CEACAM3: variants seen among roughly 807,000 people sequenced by gnomAD.
CEACAM3 encodes CEA cell adhesion molecule 3.
A neutral mutation model predicts 30.1 loss-of-function variants in CEACAM3; 32 were observed. That is an observed-to-expected ratio of 1.06 (90% CI 0.80 to 1.43). CEACAM3 has a LOEUF of 1.43. Among genes scored for constraint, CEACAM3 ranks in the 40% most tolerant of loss-of-function variants. CEACAM3 has a pLI of 0.00. For missense variants in CEACAM3, 290 were observed against 316.3 expected, an observed-to-expected ratio of 0.92 and a Z score of 0.63; for synonymous variants, 134 against 127.2, an observed-to-expected ratio of 1.05 and a Z score of -0.36.
Position 41,797,634 on chromosome 19 carries a change from C to G in CEACAM3, c.110C>G (p.Thr37Ser). The change falls in exon 2 of 7, where the codon ACT (threonine) becomes AGT (serine). Residue 37 changes from threonine to serine, a missense_variant. Thr to Ser is a moderately conservative substitution (Grantham distance 58, BLOSUM62 1). Transcript: ENST00000357396. ...AACCCGCCCACCACTGCCAAGCTCA[C>G]TATTGAATCCATGCCGCTCAGTGTC... is the stretch of plus-strand genomic sequence containing the variant. ...FWNPPTTAKL[T>S]IESMPLSVAE... 1 of 1,614,166 alleles carries G rather than the reference C, an allele frequency of 6.2e-7. No homozygotes were observed. The highest frequency in any genetic ancestry group is 2.2e-5 in the East Asian group (1 of 44,876).
chr19:41,807,081 A>G, intron 2 of CEACAM3: 7 of 1,609,120 alleles, frequency 4.4e-6, no homozygotes, highest in Non-Finnish European at 5.9e-6. Context: ...GGTGCCACAC[A>G]GGGCAATCTT....
chr19:41,806,792 T>C (rs1248888607), intron 2 of CEACAM3, among the ~76,000 whole-genome samples: 1 of 152,132 alleles, frequency 6.6e-6, no homozygotes, highest in Admixed American at 6.5e-5. Flanking sequence ...GTTCACACCA[T>C]TCTCCTGCCT....
chr19:41,808,979 G>C, intron 3 of CEACAM3, 49 bp downstream of exon 3: 1 of 1,359,266 alleles, frequency 7.4e-7, no homozygotes, highest in East Asian at 2.5e-5. Context: ...GCTGACTCCA[G>C]GCCAAAAGAA....
At chr19:41,809,384 G>GC (rs781831255) in intron 3 of CEACAM3, 2 of 167,128 alleles carry the variant, frequency 1.2e-5, no homozygotes, top group Admixed American at 6.2e-5. Flanking sequence ...TGGGGTCAGT[G>GC]CCCCCCATGG....
intron 2 of CEACAM3, among the ~76,000 whole-genome samples, chr19:41,803,454 G>GTTTT (rs2073170230): frequency 2.1e-5 from 1 of 48,750 alleles, no homozygotes. Flanking sequence ...GTGTGTGTGT[G>GTTTT]TGTGTTGTTT....
At chr19:41,806,005 T>TTTGTTG (rs1174523555) in intron 2 of CEACAM3, among the ~76,000 whole-genome samples, 4 of 43,382 alleles carry the variant, frequency 9.2e-5, no homozygotes, top group Non-Finnish European at 3.0e-4. Flanking sequence ...GTTGTTGTTG[T>TTTGTTG]TTGTTGTTGT....
At chr19:41,805,110 A>T (rs912530114) in intron 2 of CEACAM3, among the ~76,000 whole-genome samples, 1 of 152,030 alleles carries the variant, frequency 6.6e-6, no homozygotes, top group African/African-American at 2.4e-5. Context: ...TAGAAATCCA[A>T]AACACTTTTG....
Position 41,806,672 on chromosome 19 carries a change from G to GTGTT in CEACAM3, c.425-2126_425-2123dup, listed in dbSNP as rs556916117. ...TCTGTCTTCGTCTTTTTTTGTTTGT[G>GTGTT]TGTTTGTTTGTTTGTTTGCTTGTTT... On this transcript the variant is annotated intron_variant, in intron 2 of 6. Coordinates refer to ENST00000357396, the MANE Select transcript of CEACAM3 (RefSeq NM_001815.5). Among the ~76,000 whole-genome samples, 438 of 152,176 alleles carry GTGTT rather than the reference G, an allele frequency of 2.9e-3. 5 individuals carry two copies. The highest frequency in any genetic ancestry group is 0.01 in the African/African-American group (416 of 41,508).
intron 2 of CEACAM3, among the ~76,000 whole-genome samples, chr19:41,803,709 GCC>G (rs2073174713): frequency 9.2e-6 from 1 of 108,812 alleles, no homozygotes; most frequent in Non-Finnish European, 2.2e-5. Flanking sequence ...CTCATGATCT[GCC>G]CGCCTTGGCC....
At chr19:41,811,079 C>T in intron 6 of CEACAM3, 93 bp from the exon 7 acceptor site, 5 of 1,432,100 alleles carry the variant, frequency 3.5e-6, no homozygotes, top group Non-Finnish European at 4.9e-6. Flanking sequence ...GGTTCAGCCC[C>T]AGAGCAGCCC....
intron 2 of CEACAM3, among the ~76,000 whole-genome samples, chr19:41,803,729 G>A: frequency 2.2e-5 from 1 of 45,478 alleles, no homozygotes; most frequent in Non-Finnish European, 1.0e-4. Context: ...GCCTCCAAAA[G>A]TGCTGGGATT....
intron 2 of CEACAM3, among the ~76,000 whole-genome samples, chr19:41,804,837 C>T (rs2073185497): frequency 6.9e-6 from 1 of 145,418 alleles, no homozygotes. Flanking sequence ...CCCCAAATTT[C>T]TTTTTTTTTT....
In CEACAM3 at chr19:41,797,856, A is replaced by G. The variant is rs782095174; in HGVS notation, c.332A>G (p.Asn111Ser). The change falls in exon 2 of 7, where the codon AAT becomes AGT. Residue 111 changes from asparagine (N) to serine (S), a missense_variant. Transcript: ENST00000357396. ...ACCAATGCATCCCTGCTGATCCAGA[A>G]TGTCACCCAGAATGACATAGGATTC... ...IYTNASLLIQ[N>S]VTQNDIGFYT... 8.7e-6 allele frequency: 14 copies of G among 1,613,474 alleles called. No individual in the cohort carries two copies. The highest frequency in any genetic ancestry group is 1.1e-5 in the Non-Finnish European group (13 of 1,180,034).
chr19:41,797,878 A>T lies in CEACAM3; in HGVS notation c.354A>T (p.Gly118=). 1 of 1,613,966 alleles carries T rather than the reference A, an allele frequency of 6.2e-7. No homozygotes were observed. Among genetic ancestry groups the T allele is most frequent in the East Asian group, 2.2e-5 (1 of 44,884 alleles). Residue 118 remains glycine, a synonymous_variant, in exon 2 of 7, where the codon GGA becomes GGT. Coordinates refer to ENST00000357396, the MANE Select transcript of CEACAM3 (RefSeq NM_001815.5). ...LIQNVTQNDI[G]FYTLQVIKSD... is the part of the protein sequence containing the mutation. Reference sequence around the variant, plus strand: ...AGAATGTCACCCAGAATGACATAGGATTCTACACCCTACAAGTCATAAAGT... The same window carrying T: ...AGAATGTCACCCAGAATGACATAGGTTTCTACACCCTACAAGTCATAAAGT...
At chr19:41,808,959 C>T (rs1555827234) in intron 3 of CEACAM3, 29 bp downstream of exon 3, 1 of 1,489,748 alleles carries the variant, frequency 6.7e-7, no homozygotes, top group Non-Finnish European at 9.1e-7. Flanking sequence ...ATCCTTCTCC[C>T]ACCCCCTAGG....
chr19:41,800,257 G>A (rs760032545), intron 2 of CEACAM3, among the ~76,000 whole-genome samples: 20 of 152,164 alleles, frequency 1.3e-4, no homozygotes, highest in Admixed American at 2.0e-4. Flanking sequence ...ACAAGAGTGC[G>A]AGCCTTCTGT....
chr19:41,811,486 A>G lies in CEACAM3; in HGVS notation c.*249A>G. ...GCAGAAAGCGGGGGCTTGCAGGGAA[A>G]GTGAATGGGCCTGTGGCCCACCTGG... On this transcript the variant is annotated 3_prime_UTR_variant, in exon 7 of 7. Coordinates refer to ENST00000357396, the MANE Select transcript of CEACAM3 (RefSeq NM_001815.5). The G allele has an allele frequency of 1.9e-6, 1 of 514,096 alleles. No individual in the cohort carries two copies. Among genetic ancestry groups the G allele is most frequent in the Admixed American group, 3.1e-5 (1 of 32,464 alleles). The allele number at this position is 514,096 out of a possible 1,614,324, so 31.8% of individuals were successfully genotyped here.
At position 41,808,862 on chromosome 19, in the gene CEACAM3, C is replaced by A; in HGVS notation, c.474C>A (p.Thr158=). 2 of 1,611,076 alleles carry A rather than the reference C, an allele frequency of 1.2e-6. No individual in the cohort carries two copies. The highest frequency in any genetic ancestry group is 1.7e-6 in the Non-Finnish European group (2 of 1,178,490). The change falls in exon 3 of 7, where the codon ACC becomes ACA. Residue 158 remains threonine (T), a synonymous_variant. Coordinates refer to ENST00000357396, the MANE Select transcript of CEACAM3 (RefSeq NM_001815.5). The stretch of plus-strand genomic sequence containing the variant: ...TGGGGGCCGTCGCCGGCATCGTGAC[C>A]GGGGTCCTGGTCGGAGTGGCGCTGG... ...LPVGAVAGIV[T]GVLVGVALVA... is the part of the protein sequence containing the mutation.
chr19:41,800,362 G>A (rs1040783828), intron 2 of CEACAM3, among the ~76,000 whole-genome samples: 3 of 152,118 alleles, frequency 2.0e-5, no homozygotes, highest in Non-Finnish European at 4.4e-5. Context: ...GAGGTCTAGC[G>A]GTAGCGTAAG....
Sources: gnomAD v4.1 joint callset for allele counts (sites outside exome capture counted in the v4.1 genomes callset) on GRCh38, gnomAD v4.1.1 for gene constraint, MANE v1.5 for transcripts, NCBI Gene and HGNC (gene_info 2026-07-23, HGNC 2026-07-21) for gene names.